NCALD: variants seen among roughly 807,000 people sequenced by gnomAD.
The protein encoded by NCALD is neurocalcin-delta.
Under a neutral mutation model 18.6 loss-of-function variants are expected in NCALD, and 10 were observed. The ratio of observed to expected loss-of-function variants is 0.54; its 90% CI spans 0.33 to 0.91. NCALD has a LOEUF of 0.91. Among genes scored for constraint, NCALD ranks in the 40% least tolerant of loss-of-function variants. The pLI, the probability that NCALD is intolerant of heterozygous loss-of-function variation, is 0.03. For missense variants in NCALD, 184 were observed against 247.6 expected (o/e 0.74, Z 1.72); for synonymous variants, 88 against 87.4 (o/e 1.01, Z -0.04).
At chr8:101,727,877 T>C (rs1214490092) in intron 1 of NCALD, among the ~76,000 whole-genome samples, 1 of 152,228 alleles carries the variant, frequency 6.6e-6, no homozygotes, top group Non-Finnish European at 1.5e-5. Flanking sequence ...TTTGCTTTGA[T>C]CCTGCATTTC....
At chr8:101,932,329 A>G (rs1034106674) in intron 2 of NCALD, among the ~76,000 whole-genome samples, 1 of 152,130 alleles carries the variant, frequency 6.6e-6, no homozygotes, top group Non-Finnish European at 1.5e-5. Flanking sequence ...ACCCCCAGAT[A>G]CAACTCTGGG....
At chr8:101,812,182 G>A (rs1325850634) in intron 4 of NCALD, among the ~76,000 whole-genome samples, 1 of 152,122 alleles carries the variant, frequency 6.6e-6, no homozygotes, top group Non-Finnish European at 1.5e-5. Context: ...CTCTTAAGAG[G>A]CAGTGTGGTC....
In NCALD at chr8:102,122,471, A is replaced by G. The variant is rs372298789; in HGVS notation, c.-210+1766T>C. Among the ~76,000 whole-genome samples the G allele has an allele frequency of 5.9e-5, 9 of 152,358 alleles. No homozygotes were observed. In the East Asian group the frequency reaches 9.6e-4, roughly 16 times the overall value. On this transcript the variant is annotated intron_variant, in intron 1 of 6. Transcript: ENST00000311028. ...CCTGATTGGGAACAACAAGCTCAAA[A>G]GCAATTGGAACAATTCAGGCAAGAA...
At chr8:101,692,210 G>C in intron 3 of NCALD, 1 of 985,304 alleles carries the variant, frequency 1.0e-6, no homozygotes, top group African/African-American at 1.7e-5. Flanking sequence ...CACTTCGTTG[G>C]GTTTGAATTG....
intron 2 of NCALD, among the ~76,000 whole-genome samples, chr8:101,994,642 G>C (rs1821170310): frequency 6.6e-6 from 1 of 152,232 alleles, no homozygotes; most frequent in Non-Finnish European, 1.5e-5. Context: ...ATGGCCCGGA[G>C]AGCCACATGG....
At chr8:101,880,410 AGAGGGAG>A (rs1816441014) in intron 4 of NCALD, among the ~76,000 whole-genome samples, 1 of 152,108 alleles carries the variant, frequency 6.6e-6, no homozygotes, top group Non-Finnish European at 1.5e-5. Context: ...CCCTGCAAGC[AGAGGGAG>A]CTGGCTCTGG....
intron 4 of NCALD, among the ~76,000 whole-genome samples, chr8:101,804,946 T>C (rs907258016): frequency 3.3e-5 from 5 of 152,028 alleles, no homozygotes; most frequent in African/African-American, 1.2e-4. Context: ...GACAAAAATA[T>C]ATCAAAACTT....
chr8:102,065,010 CAAAAAAAAA>C (rs34548051), intron 1 of NCALD, among the ~76,000 whole-genome samples: 6 of 87,580 alleles, frequency 6.9e-5, no homozygotes, highest in Admixed American at 3.0e-4. Context: ...CTCACTTTGG[CAAAAAAAAA>C]AAAAAAAAAA....
chr8:101,977,166 A>G (rs193118907), intron 2 of NCALD, among the ~76,000 whole-genome samples: 3 of 151,922 alleles, frequency 2.0e-5, no homozygotes, highest in African/African-American at 4.8e-5. Flanking sequence ...TCAGCAGGTA[A>G]TGAAAAGATG....
chr8:101,691,236 C>A, intron 3 of NCALD: 1 of 985,150 alleles, frequency 1.0e-6, no homozygotes, highest in Non-Finnish European at 1.2e-6. Context: ...TTCCTCCTTC[C>A]TTCTACAGCT....
At chr8:102,069,801 A>AT (rs1306786764) in intron 1 of NCALD, among the ~76,000 whole-genome samples, 11 of 152,176 alleles carry the variant, frequency 7.2e-5, no homozygotes, top group African/African-American at 2.4e-4. Flanking sequence ...GATATATAAT[A>AT]TTTTTTTAAG....
intron 1 of NCALD, among the ~76,000 whole-genome samples, chr8:102,070,586 C>G (rs910173421): frequency 1.3e-5 from 2 of 152,220 alleles, no homozygotes; most frequent in African/African-American, 4.8e-5. Flanking sequence ...AAATGTCTAA[C>G]AGCATATCTG....
intron 1 of NCALD, among the ~76,000 whole-genome samples, chr8:102,064,358 G>A (rs933238900): frequency 2.0e-5 from 3 of 152,144 alleles, no homozygotes; most frequent in African/African-American, 7.2e-5. Context: ...GTACGAGTCA[G>A]GTACATGCTC....
At chr8:102,027,791 A>G (rs569618114) in intron 1 of NCALD, among the ~76,000 whole-genome samples, 370 of 152,316 alleles carry the variant, frequency 2.4e-3, no homozygotes, top group Non-Finnish European at 4.7e-3. Flanking sequence ...GACTCAGGAA[A>G]TTTACAATCA....
chr8:101,907,252 A>G (rs1817640842), intron 3 of NCALD, among the ~76,000 whole-genome samples: 1 of 152,196 alleles, frequency 6.6e-6, no homozygotes, highest in Non-Finnish European at 1.5e-5. Context: ...ATCTATGCCC[A>G]TTATGGAGAA....
At chr8:101,765,167 G>A (rs1166389707) in intron 1 of NCALD, among the ~76,000 whole-genome samples, 2 of 152,170 alleles carry the variant, frequency 1.3e-5, no homozygotes, top group East Asian at 3.9e-4. Flanking sequence ...CGGCACTCCA[G>A]GCAAACAGAA....
chr8:101,760,905 A>G (rs1811082941), intron 1 of NCALD, among the ~76,000 whole-genome samples: 1 of 151,928 alleles, frequency 6.6e-6, no homozygotes, highest in Non-Finnish European at 1.5e-5. Flanking sequence ...CAAATCATAA[A>G]TTTCAAGTTA....
intron 1 of NCALD, among the ~76,000 whole-genome samples, chr8:101,728,009 T>C (rs1816650864): frequency 6.6e-6 from 1 of 152,018 alleles, no homozygotes; most frequent in African/African-American, 2.4e-5. Context: ...CTCCTAGAGA[T>C]CAAAAAATAA....
chr8:101,709,028 G>C (rs1815660925), intron 2 of NCALD, among the ~76,000 whole-genome samples: 1 of 152,066 alleles, frequency 6.6e-6, no homozygotes, highest in Non-Finnish European at 1.5e-5. Flanking sequence ...ACAAAGAATT[G>C]GATAAAACAC....
Sources: gnomAD v4.1 joint callset for allele counts (sites outside exome capture counted in the v4.1 genomes callset) on GRCh38, gnomAD v4.1.1 for gene constraint, MANE v1.5 for transcripts, NCBI Gene and HGNC (gene_info 2026-07-23, HGNC 2026-07-21) for gene names.